FAM81A: variants seen among roughly 807,000 people sequenced by gnomAD.
FAM81A encodes the protein protein FAM81A.
Under a neutral mutation model 46.7 loss-of-function variants are expected in FAM81A, and 19 were observed. That is an observed-to-expected ratio of 0.41 (90% CI 0.28 to 0.60). The LOEUF (loss-of-function observed/expected upper bound fraction) is 0.60, where lower values mean the gene tolerates loss of function less well. Among genes scored for constraint, FAM81A ranks in the 20% least tolerant of loss-of-function variants. FAM81A has a pLI of 0.34. For missense variants in FAM81A, 377 were observed against 453.5 expected (o/e 0.83, Z 1.53); for synonymous variants, 183 against 152.9 (o/e 1.20, Z -1.45).
chr15:59,403,332 C>T (rs2140464244), intron 2 of FAM81A, among the ~76,000 whole-genome samples: 1 of 151,914 alleles, frequency 6.6e-6, no homozygotes, highest in African/African-American at 2.4e-5. Flanking sequence ...AGATTGGAGT[C>T]CTAATTAGAT....
chr15:59,506,787 C>T (rs541839278), intron 4 of FAM81A, among the ~76,000 whole-genome samples: 4 of 152,284 alleles, frequency 2.6e-5, no homozygotes, highest in South Asian at 2.1e-4. Flanking sequence ...TACAGCCTTA[C>T]GAGTGATTCA....
chr15:59,475,695 G>A (rs1596504829), intron 3 of FAM81A, among the ~76,000 whole-genome samples: 2 of 152,266 alleles, frequency 1.3e-5, no homozygotes, highest in East Asian at 1.9e-4. Flanking sequence ...GTATTTGAGT[G>A]TTTACTTTTT....
At chr15:59,489,119 G>A (rs1399481852) in intron 3 of FAM81A, among the ~76,000 whole-genome samples, 2 of 152,020 alleles carry the variant, frequency 1.3e-5, no homozygotes, top group Non-Finnish European at 2.9e-5. Context: ...CAAAAAATTA[G>A]CCGGGCATAG....
intron 1 of FAM81A, chr15:59,440,153 C>A (rs2081282149): frequency 1.3e-5 from 2 of 152,242 alleles, no homozygotes; most frequent in Admixed American, 6.5e-5. Flanking sequence ...CCCCTACCCT[C>A]CTTCTTATCT....
chr15:59,487,180 AT>A (rs1403771226), intron 3 of FAM81A, among the ~76,000 whole-genome samples: 1 of 146,948 alleles, frequency 6.8e-6, no homozygotes, highest in African/African-American at 2.5e-5. Context: ...CTGAATATAT[AT>A]ATATATTTTA....
intron 2 of FAM81A, among the ~76,000 whole-genome samples, chr15:59,412,275 GA>G (rs1487922889): frequency 6.6e-6 from 1 of 152,196 alleles, no homozygotes; most frequent in African/African-American, 2.4e-5. Flanking sequence ...GATGGCACGG[GA>G]GGTTCAGGAG....
Position 59,516,852 on chromosome 15 carries a change from C to A in FAM81A, c.982+12C>A, listed in dbSNP as rs1404847582. On this transcript the variant is annotated intron_variant, in intron 8 of 8. Transcript: ENST00000288228. The stretch of plus-strand genomic sequence containing the variant: ...AGAAGTTAATGCTGGTAGGCCAAAA[C>A]CAGAACAGCTCACGTGCTTTATTTT... 6.3e-7 allele frequency: 1 copy of A among 1,581,062 alleles called. No individual in the cohort carries two copies. Among genetic ancestry groups the A allele is most frequent in the Middle Eastern group, 1.7e-4 (1 of 5,950 alleles).
chr15:59,521,235 A>C lies in FAM81A; in HGVS notation c.983-19A>C. 6.3e-7 allele frequency: 1 copy of C among 1,598,674 alleles called. No individual in the cohort carries two copies. Among genetic ancestry groups the C allele is most frequent in the Non-Finnish European group, 8.5e-7 (1 of 1,174,478 alleles). On this transcript the variant is annotated intron_variant, in intron 8 of 8. Coordinates refer to ENST00000288228, the MANE Select transcript of FAM81A (RefSeq NM_152450.3). ...TTAAAAAAATTGTTAACTGTTGTGA[A>C]ATTTACCTCTCCTTCAAGGGTTTAC... is the stretch of plus-strand genomic sequence containing the variant.
chr15:59,477,563 G>A (rs1434996247), intron 3 of FAM81A, among the ~76,000 whole-genome samples: 1 of 152,074 alleles, frequency 6.6e-6, no homozygotes, highest in Non-Finnish European at 1.5e-5. Flanking sequence ...GTTATACACT[G>A]GAAAAAAAGT....
chr15:59,458,814 G>C (rs1461092612), intron 2 of FAM81A, among the ~76,000 whole-genome samples, 168 bp downstream of exon 2: 5 of 152,210 alleles, frequency 3.3e-5, no homozygotes, highest in Non-Finnish European at 7.3e-5. Context: ...ACCACTCAGT[G>C]ACCCCAAGAA....
chr15:59,499,563 C>T (rs1456580130), intron 4 of FAM81A, among the ~76,000 whole-genome samples: 11 of 152,114 alleles, frequency 7.2e-5, no homozygotes, highest in African/African-American at 1.2e-4. Flanking sequence ...TGACAGACTT[C>T]GTTTGGTATT....
intron 1 of FAM81A, among the ~76,000 whole-genome samples, chr15:59,444,566 G>A (rs1417198404): frequency 6.6e-6 from 1 of 152,150 alleles, no homozygotes. Context: ...AGTTTCTCCA[G>A]CTCCCTTCCT....
intron 1 of FAM81A, among the ~76,000 whole-genome samples, chr15:59,441,461 A>T (rs1206623911): frequency 6.6e-6 from 1 of 152,244 alleles, no homozygotes; most frequent in Non-Finnish European, 1.5e-5. Flanking sequence ...ACTTAAATCC[A>T]ATTGAAGTAG....
At chr15:59,440,202 A>G (rs1014903212) in intron 1 of FAM81A, 3 of 152,020 alleles carry the variant, frequency 2.0e-5, no homozygotes, top group Non-Finnish European at 4.4e-5. Flanking sequence ...GCTCCTCAGA[A>G]TCACCTGGGA....
upstream of FAM81A, among the ~76,000 whole-genome samples, chr15:59,435,300 G>A (rs1278073280): frequency 6.6e-6 from 1 of 151,860 alleles, no homozygotes; most frequent in African/African-American, 2.4e-5. Context: ...AAACAAACAA[G>A]CAAACAAACA....
chr15:59,494,784 A>T (rs1298519867), intron 4 of FAM81A, among the ~76,000 whole-genome samples: 1 of 152,202 alleles, frequency 6.6e-6, no homozygotes, highest in Non-Finnish European at 1.5e-5. Flanking sequence ...TATTCTTAAG[A>T]CACTAGGTTG....
chr15:59,425,731 G>C (rs931284395), intron 2 of FAM81A, among the ~76,000 whole-genome samples: 2 of 152,130 alleles, frequency 1.3e-5, no homozygotes, highest in Non-Finnish European at 2.9e-5. Flanking sequence ...GCTTAAGTGA[G>C]CCTCCTGCCT....
intron 1 of FAM81A, chr15:59,438,509 G>A (rs2081261177): frequency 6.6e-6 from 1 of 152,320 alleles, no homozygotes; most frequent in Admixed American, 6.5e-5. Flanking sequence ...TTTTCGCGGG[G>A]GCTGCATGCT....
chr15:59,504,293 A>G (rs1033068784), intron 4 of FAM81A, among the ~76,000 whole-genome samples: 5 of 152,222 alleles, frequency 3.3e-5, no homozygotes, highest in African/African-American at 1.2e-4. Context: ...AGGATTAATG[A>G]AATAATATAT....
Sources: allele counts gnomAD v4.1 joint callset (sites outside exome capture counted in the v4.1 genomes callset), GRCh38; gene constraint gnomAD v4.1.1; transcripts MANE v1.5; gene names NCBI Gene and HGNC (gene_info 2026-07-23, HGNC 2026-07-21).